WEE2: variants seen among roughly 807,000 people sequenced by gnomAD.
The protein encoded by WEE2 is wee1-like protein kinase 2.
A neutral mutation model predicts 60.1 loss-of-function variants in WEE2; 50 were observed. The ratio of observed to expected loss-of-function variants is 0.83; its 90% CI spans 0.66 to 1.05. The LOEUF is 1.05. Ranked by LOEUF, WEE2 falls within the 50% of genes least tolerant of loss-of-function variation. The pLI is 0.00. For missense variants in WEE2, 631 were observed against 684.3 expected, an observed-to-expected ratio of 0.92 and a Z score of 0.87; for synonymous variants, 240 against 241.0, an observed-to-expected ratio of 1.00 and a Z score of 0.04.
intron 3 of WEE2, among the ~76,000 whole-genome samples, chr7:141,717,130 G>A (rs1798817946): frequency 6.6e-6 from 1 of 152,134 alleles, no homozygotes; most frequent in African/African-American, 2.4e-5. Flanking sequence ...AATTTTATAC[G>A]CTGAATGACC....
intron 10 of WEE2, 45 bp downstream of exon 10, chr7:141,727,491 A>G: frequency 1.2e-6 from 2 of 1,606,794 alleles, no homozygotes; most frequent in Non-Finnish European, 1.7e-6. Context: ...TCTGAGCACT[A>G]CTCACAATGG....
intron 1 of WEE2, among the ~76,000 whole-genome samples, chr7:141,712,141 C>A (rs1798719241): frequency 6.6e-6 from 1 of 152,118 alleles, no homozygotes; most frequent in African/African-American, 2.4e-5. Context: ...ATCCAAACAT[C>A]CCAATAATAC....
chr7:141,722,861 T>C (rs1282699563), intron 5 of WEE2, among the ~76,000 whole-genome samples: 1 of 152,232 alleles, frequency 6.6e-6, no homozygotes, highest in Admixed American at 6.5e-5. Context: ...CCTGTAATTC[T>C]CCTTTCCAAC....
At chr7:141,729,913 G>A (rs1332463771) in intron 11 of WEE2, among the ~76,000 whole-genome samples, 5 of 151,384 alleles carry the variant, frequency 3.3e-5, no homozygotes, top group African/African-American at 7.3e-5. Flanking sequence ...GCTTGAACCC[G>A]GGAGGTGGAG....
intron 4 of WEE2, 89 bp downstream of exon 4, chr7:141,719,333 C>T (rs1798863428): frequency 1.7e-6 from 2 of 1,180,784 alleles, no homozygotes; most frequent in African/African-American, 1.5e-5. Flanking sequence ...GCACCGATGT[C>T]ATTAAAAATC....
Position 141,710,797 on chromosome 7 carries a change from G to A in WEE2, c.342+1697G>A, listed in dbSNP as rs529108599. Among the ~76,000 whole-genome samples, 58 of 152,300 alleles carry A rather than the reference G, an allele frequency of 3.8e-4. 1 individual carries two copies. Among genetic ancestry groups the A allele is most frequent in the African/African-American group, 1.4e-3 (57 of 41,570 alleles). ...CAGTGTGACGGGCCTGTGTGTGAGA[G>A]AGTGCAAGAGATGAGGCCAGTGTAG... On this transcript the variant is annotated intron_variant, in intron 1 of 11. Coordinates refer to ENST00000397541, the MANE Select transcript of WEE2 (RefSeq NM_001105558.1).
Position 141,719,128 on chromosome 7 carries a change from G to A in WEE2, c.642G>A (p.Glu214=). The part of the protein sequence containing the change: ...MASRYEKEFL[E]VEKIGVGEFG... ...CCCGCTATGAAAAAGAATTCTTGGA[G>A]GTTGAAAAAATTGGGGTTGGCGAAT... Residue 214 remains glutamate (E), a synonymous_variant, in exon 4 of 12, where the codon GAG becomes GAA. Coordinates refer to ENST00000397541, the MANE Select transcript of WEE2 (RefSeq NM_001105558.1). The A allele has an allele frequency of 6.2e-7, 1 of 1,614,074 alleles. No homozygotes were observed. The highest frequency in any genetic ancestry group is 8.5e-7 in the Non-Finnish European group (1 of 1,179,988).
chr7:141,723,367 G>A (rs777366759), intron 6 of WEE2, 87 bp downstream of exon 6: 13 of 1,414,518 alleles, frequency 9.2e-6, no homozygotes, highest in Non-Finnish European at 1.2e-5. Flanking sequence ...TCTATCAAGT[G>A]TCAAGGACGG....
chr7:141,709,099 A>G lies in WEE2; in HGVS notation c.341A>G (p.Lys114Arg). ...CCCAGTGACAGCCCCTCTACTCCCA[A>G]AGTAAGTAAGGGGTGGGGGAAAAAG... ...LLPSDSPSTP[K>R]TMLSRLVISP... The change falls in exon 1 of 12, where the codon AAA becomes AGA. Residue 114 changes from lysine (K) to arginine (R), a missense_variant and splice_region_variant. Coordinates refer to ENST00000397541, the MANE Select transcript of WEE2 (RefSeq NM_001105558.1). The G allele has an allele frequency of 2.5e-6, 4 of 1,611,162 alleles. No individual in the cohort carries two copies. The African/African-American group carries it at 4.0e-5, about 16-fold the overall frequency.
chr7:141,729,215 G>A lies in WEE2; in HGVS notation c.1536-316G>A, dbSNP rs528132552. On this transcript the variant is annotated intron_variant, in intron 10 of 11. Coordinates refer to ENST00000397541, the MANE Select transcript of WEE2 (RefSeq NM_001105558.1). ...GTGATAGGCCAGATTTGACTCAGAA[G>A]TTGTGGTTTATTGACCCTGGTACCT... 2.3e-4 allele frequency among the ~76,000 whole-genome samples: 35 copies of A among 152,302 alleles called. 1 individual carries two copies. The highest frequency in any genetic ancestry group is 8.2e-4 in the African/African-American group (34 of 41,558).
chr7:141,709,125 G>A, intron 1 of WEE2, 25 bp downstream of exon 1: 1 of 1,595,678 alleles, frequency 6.3e-7, no homozygotes, highest in Non-Finnish European at 8.6e-7. Context: ...GGGGAAAAAG[G>A]GACGCAGGTC....
At chr7:141,716,346 CCT>C (rs1798796818) in intron 3 of WEE2, 79 bp downstream of exon 3, 1 of 1,323,440 alleles carries the variant, frequency 7.6e-7, no homozygotes, top group African/African-American at 1.5e-5. Flanking sequence ...TCCCCTTCTC[CCT>C]CTCTCTCCTC....
chr7:141,730,083 T>C (rs1383382137), intron 11 of WEE2, among the ~76,000 whole-genome samples: 1 of 152,038 alleles, frequency 6.6e-6, no homozygotes, highest in Admixed American at 6.6e-5. Flanking sequence ...ACCTTCCTCT[T>C]ATAAAATGAA....
At chr7:141,723,623 A>G (rs1798959773) in intron 6 of WEE2, among the ~76,000 whole-genome samples, 1 of 152,220 alleles carries the variant, frequency 6.6e-6, no homozygotes, top group Non-Finnish European at 1.5e-5. Flanking sequence ...TTAAAGAGAA[A>G]TGAGTAACTG....
chr7:141,722,127 C>A (rs1288220987), intron 5 of WEE2, among the ~76,000 whole-genome samples: 1 of 151,986 alleles, frequency 6.6e-6, no homozygotes, highest in African/African-American at 2.4e-5. Context: ...GTTCAGAGGC[C>A]GGGCGCAATG....
chr7:141,721,146 T>C, intron 5 of WEE2, 90 bp downstream of exon 5: 1 of 1,506,372 alleles, frequency 6.6e-7, no homozygotes, highest in Non-Finnish European at 9.2e-7. Flanking sequence ...CATAGTTCAT[T>C]CCACGGATAG....
Position 141,730,417 on chromosome 7 carries a change from G to C in WEE2, c.*97G>C. ...AGATCCCAGGGACTCGTTGTACATA[G>C]AAAGGAATAGAATTTAGTTTAGAGT... On this transcript the variant is annotated 3_prime_UTR_variant, in exon 12 of 12. Coordinates refer to ENST00000397541, the MANE Select transcript of WEE2 (RefSeq NM_001105558.1). 2 of 1,115,502 alleles carry C rather than the reference G, an allele frequency of 1.8e-6. No individual in the cohort carries two copies. Among genetic ancestry groups the C allele is most frequent in the Non-Finnish European group, 2.7e-6 (2 of 752,670 alleles). The allele number at this position is 1,115,502 out of a possible 1,614,324, so 69.1% of individuals were successfully genotyped here. A position where few individuals can be genotyped will look rare whatever the true frequency, so the allele number is the denominator to read the frequency against.
At chr7:141,728,651 C>A (rs1401132855) in intron 10 of WEE2, among the ~76,000 whole-genome samples, 2 of 152,174 alleles carry the variant, frequency 1.3e-5, no homozygotes, top group Non-Finnish European at 2.9e-5. Flanking sequence ...GGGCAGACAG[C>A]ATCTTGAAAT....
chr7:141,708,991 A>T lies in WEE2; in HGVS notation c.233A>T (p.Asp78Val), dbSNP rs553512386. 8 of 1,614,126 alleles carry T rather than the reference A, an allele frequency of 5.0e-6. No homozygotes were observed. The Admixed American group carries it at 1.3e-4, about 27-fold the overall frequency. Reference protein sequence around the residue: ...TSSEKDKESPDQILRTPVSHP... With the variant: ...TSSEKDKESPVQILRTPVSHP... Reference sequence around the variant, plus strand: ...TCGGAAAAAGACAAAGAAAGTCCAGATCAGATTTTGAGGACTCCAGTGTCA... The same window carrying T: ...TCGGAAAAAGACAAAGAAAGTCCAGTTCAGATTTTGAGGACTCCAGTGTCA... Residue 78 changes from aspartate (D) to valine (V), a missense_variant, in exon 1 of 12, where the codon GAT (aspartate) becomes GTT (valine). By Grantham distance (152) the Asp-to-Val change is radical. Coordinates refer to ENST00000397541, the MANE Select transcript of WEE2 (RefSeq NM_001105558.1).
Sources: gnomAD v4.1 joint callset for allele counts (sites outside exome capture counted in the v4.1 genomes callset) on GRCh38, gnomAD v4.1.1 for gene constraint, MANE v1.5 for transcripts, NCBI Gene and HGNC (gene_info 2026-07-23, HGNC 2026-07-21) for gene names.